The following CARD19 variants were observed in gnomAD, a reference collection of about 807,000 sequenced individuals.
CARD19 encodes the protein caspase recruitment domain family member 19, also known as caspase recruitment domain-containing protein 19.
Under a neutral mutation model 24.1 loss-of-function variants are expected in CARD19, and 25 were observed. The observed-to-expected ratio is 1.04, with a 90% CI of 0.76 to 1.45. The LOEUF is 1.45. CARD19 is among the 40% of genes most tolerant of loss of function. The probability of loss-of-function intolerance (pLI) is 0.00; values close to 1 mark genes in which losing one functional copy is unlikely to be tolerated. For missense variants in CARD19, 241 were observed against 247.4 expected (o/e 0.97, Z 0.17); for synonymous variants, 103 against 104.9 (o/e 0.98, Z 0.11).
intron 1 of CARD19, among the ~76,000 whole-genome samples, chr9:93,103,175 G>T (rs1213323639): frequency 1.3e-5 from 2 of 152,160 alleles, no homozygotes; most frequent in Non-Finnish European, 2.9e-5. Context: ...TTGAATAGAA[G>T]TGGTAAGAGC....
chr9:93,107,370 G>A (rs1386140170), intron 1 of CARD19, among the ~76,000 whole-genome samples: 1 of 152,222 alleles, frequency 6.6e-6, no homozygotes, highest in Non-Finnish European at 1.5e-5. Context: ...CCTGCAGGTG[G>A]CCCATGAAAA....
intron 4 of CARD19, 65 bp from the exon 5 acceptor site, chr9:93,112,153 C>T (rs1284856608): frequency 6.7e-7 from 1 of 1,494,480 alleles, no homozygotes; most frequent in South Asian, 1.2e-5. Flanking sequence ...TGCGCAGCCC[C>T]CAGGCCTCAG....
chr9:93,112,918 G>T, intron 5 of CARD19, 74 bp from the exon 6 acceptor site: 1 of 1,044,924 alleles, frequency 9.6e-7, no homozygotes. Context: ...ACCCACCCCC[G>T]CAGGAGGGAT....
intron 5 of CARD19, 97 bp downstream of exon 5, chr9:93,112,386 T>C: frequency 1.0e-6 from 1 of 998,392 alleles, no homozygotes; most frequent in Admixed American, 2.0e-5. Flanking sequence ...CCTTGGCCTC[T>C]TCGTACCTCG....
At chr9:93,100,137 G>A (rs1827024994) in intron 1 of CARD19, among the ~76,000 whole-genome samples, 1 of 152,246 alleles carries the variant, frequency 6.6e-6, no homozygotes, top group Non-Finnish European at 1.5e-5. Flanking sequence ...GCCCCACGGA[G>A]CATGGCTGCT....
At chr9:93,097,267 C>G (rs1040640734) in intron 1 of CARD19, among the ~76,000 whole-genome samples, 6 of 151,744 alleles carry the variant, frequency 4.0e-5, no homozygotes, top group Non-Finnish European at 8.8e-5. Context: ...TGCTCGCTCT[C>G]TTGAGTCTCA....
chr9:93,109,574 C>G (rs1387693629), intron 2 of CARD19, among the ~76,000 whole-genome samples: 1 of 151,954 alleles, frequency 6.6e-6, no homozygotes, highest in Non-Finnish European at 1.5e-5. Flanking sequence ...TCAAGCAATC[C>G]TCTGGCCTCA....
At chr9:93,098,731 G>C (rs1195113461) in intron 1 of CARD19, among the ~76,000 whole-genome samples, 1 of 152,168 alleles carries the variant, frequency 6.6e-6, no homozygotes, top group Non-Finnish European at 1.5e-5. Context: ...CCTCCGGACC[G>C]TGCGGCCTGT....
At chr9:93,111,143 C>G in intron 3 of CARD19, 1 of 1,223,508 alleles carries the variant, frequency 8.2e-7, no homozygotes, top group Non-Finnish European at 1.0e-6. Context: ...ATGACGGACC[C>G]TTTCATTGCA....
chr9:93,096,298 C>A lies in CARD19; in HGVS notation c.-48C>A. The A allele has an allele frequency of 8.2e-7, 1 of 1,220,634 alleles. No homozygotes were observed. Among genetic ancestry groups the A allele is most frequent in the Non-Finnish European group, 1.0e-6 (1 of 979,836 alleles). The allele number at this position is 1,220,634 out of a possible 1,614,324, so 75.6% of individuals were successfully genotyped here. ...GGCGGCTGACCGAGGGGCGGACGCG[C>A]GGCGGGGCAGACCGCTGGGGACTGC... On this transcript the variant is annotated 5_prime_UTR_variant, in exon 1 of 6. Coordinates refer to ENST00000375464, the MANE Select transcript of CARD19 (RefSeq NM_032310.5). The surrounding 1 kb of genome is among the most constrained non-coding windows in gnomAD (Gnocchi z 5.4).
At chr9:93,102,314 T>G (rs943915314) in intron 1 of CARD19, among the ~76,000 whole-genome samples, 2 of 152,190 alleles carry the variant, frequency 1.3e-5, no homozygotes, top group Non-Finnish European at 2.9e-5. Context: ...GTTGTATATT[T>G]TCTTTAGAGA....
intron 1 of CARD19, among the ~76,000 whole-genome samples, chr9:93,100,054 C>G (rs1300023326): frequency 6.6e-6 from 1 of 152,266 alleles, no homozygotes; most frequent in African/African-American, 2.4e-5. Context: ...CCGTGGTCCC[C>G]AGCCCCGCAC....
intron 5 of CARD19, among the ~76,000 whole-genome samples, chr9:93,112,736 G>A (rs1029252051): frequency 5.3e-5 from 8 of 152,182 alleles, no homozygotes; most frequent in Admixed American, 6.5e-5. Context: ...TGAGTTTGTC[G>A]TGCTGGGAGG....
At chr9:93,099,028 A>AG (rs1183015737) in intron 1 of CARD19, among the ~76,000 whole-genome samples, 1 of 149,970 alleles carries the variant, frequency 6.7e-6, no homozygotes, top group Non-Finnish European at 1.5e-5. Flanking sequence ...TAGCCTCCTG[A>AG]GTAGCTGGCT....
intron 3 of CARD19, 158 bp from the exon 4 acceptor site, chr9:93,111,721 G>A (rs1244173724): frequency 1.5e-5 from 22 of 1,461,500 alleles, no homozygotes; most frequent in Admixed American, 1.4e-4. Flanking sequence ...GACCCAGACT[G>A]TGCATAGTTC....
In CARD19 at chr9:93,113,277, T is replaced by G. The variant is rs1827584475; in HGVS notation, c.*170T>G. 4.5e-5 allele frequency: 22 copies of G among 492,606 alleles called. No individual in the cohort carries two copies. The South Asian group carries it at 5.7e-4, about 13-fold the overall frequency. The allele number at this position is 492,606 out of a possible 1,614,324, so 30.5% of individuals were successfully genotyped here. A position where few individuals can be genotyped will look rare whatever the true frequency, so the allele number is the denominator to read the frequency against. ...TGCTGACCATATTAAATGTTCAGGT[T>G]CTCTCAGCCTGCCTCGTTCCTCAGT... On this transcript the variant is annotated 3_prime_UTR_variant, in exon 6 of 6. Transcript: ENST00000375464.
At chr9:93,104,583 A>T (rs1453287195) in intron 1 of CARD19, among the ~76,000 whole-genome samples, 1 of 152,212 alleles carries the variant, frequency 6.6e-6, no homozygotes. Flanking sequence ...CAGCAAAGCT[A>T]TCTGGTCCTG....
At chr9:93,100,468 C>CCCAGCCTTCATTT (rs1202940200) in intron 1 of CARD19, among the ~76,000 whole-genome samples, 1 of 152,230 alleles carries the variant, frequency 6.6e-6, no homozygotes, top group Admixed American at 6.5e-5. Flanking sequence ...AGCCACCGCG[C>CCCAGCCTTCATTT]CCAGCCTTCA....
At position 93,112,290 on chromosome 9, in the gene CARD19, G is replaced by C. The variant is rs1317782464; in HGVS notation, c.436+1G>C. Reference sequence around the variant, plus strand: ...CTGCTCCTGTACTGCTATCCGCCAGGTGGGTGCAAGCGGATCCTCATGGGG... The same window carrying C: ...CTGCTCCTGTACTGCTATCCGCCAGCTGGGTGCAAGCGGATCCTCATGGGG... On this transcript the variant is annotated splice_donor_variant, in intron 5 of 5. Coordinates refer to ENST00000375464, the MANE Select transcript of CARD19 (RefSeq NM_032310.5). LOFTEE classifies it high-confidence loss of function. 1.1e-5 allele frequency: 17 copies of C among 1,543,054 alleles called. No individual in the cohort carries two copies. The highest frequency in any genetic ancestry group is 2.0e-5 in the Admixed American group (1 of 50,992).
Sources: allele counts gnomAD v4.1 joint callset (sites outside exome capture counted in the v4.1 genomes callset), GRCh38; gene constraint gnomAD v4.1.1; non-coding constraint Gnocchi (gnomAD v3.1); transcripts MANE v1.5; gene names NCBI Gene and HGNC (gene_info 2026-07-23, HGNC 2026-07-21).